PPP1R13B: variants seen among roughly 807,000 people sequenced by gnomAD.
PPP1R13B encodes the protein apoptosis-stimulating of p53 protein 1.
Under a neutral mutation model 119.8 loss-of-function variants are expected in PPP1R13B, and 44 were observed. The ratio of observed to expected loss-of-function variants is 0.37; its 90% CI spans 0.29 to 0.47. The LOEUF (loss-of-function observed/expected upper bound fraction) is 0.47. Among genes scored for constraint, PPP1R13B ranks in the 20% least tolerant of loss-of-function variants. The pLI, the probability that PPP1R13B is intolerant of heterozygous loss-of-function variation, is 0.99. For synonymous variants in PPP1R13B, 542 were observed against 561.5 expected (o/e 0.97, Z 0.49); for missense variants, 1,227 against 1,413.5 (o/e 0.87, Z 2.12).
intron 1 of PPP1R13B, among the ~76,000 whole-genome samples, chr14:103,798,035 C>T (rs989333613): frequency 6.6e-6 from 1 of 151,910 alleles, no homozygotes; most frequent in African/African-American, 2.4e-5. Flanking sequence ...CAGAATAAAA[C>T]CTGGGTATAT....
In PPP1R13B at chr14:103,734,360, C is replaced by T. The variant is rs2084034517; in HGVS notation, c.*794G>A. The T allele has an allele frequency of 2.6e-6, 1 of 381,254 alleles. No individual in the cohort carries two copies. The highest frequency in any genetic ancestry group is 5.3e-6 in the Non-Finnish European group (1 of 188,332). The allele number at this position is 381,254 out of a possible 1,614,324, so 23.6% of individuals were successfully genotyped here. ...CAACCACCCTCCGCTGCCACGGCCTCCAGCACCTGACTCCATTCAGGGAAC... is the reference window on the plus strand; with the variant it reads ...CAACCACCCTCCGCTGCCACGGCCTTCAGCACCTGACTCCATTCAGGGAAC... On this transcript the variant is annotated 3_prime_UTR_variant, in exon 17 of 17. Coordinates refer to ENST00000202556, the MANE Select transcript of PPP1R13B (RefSeq NM_015316.3).
intron 1 of PPP1R13B, among the ~76,000 whole-genome samples, chr14:103,807,131 T>TC (rs1240601721): frequency 6.6e-6 from 1 of 152,230 alleles, no homozygotes; most frequent in Non-Finnish European, 1.5e-5. Context: ...AACTCCTGCC[T>TC]CAGGGGCTTT....
chr14:103,753,072 C>G lies in PPP1R13B; in HGVS notation c.756G>C (p.Gly252=), dbSNP rs1233098807. 6.2e-7 allele frequency: 1 copy of G among 1,614,162 alleles called. No individual in the cohort carries two copies. Among genetic ancestry groups the G allele is most frequent in the Admixed American group, 1.7e-5 (1 of 60,022 alleles). Residue 252 remains glycine, a synonymous_variant, in exon 7 of 17, where the codon GGG becomes GGC. Transcript: ENST00000202556. ...TCAATTTGCCATTGTAAGACTGGAACCCATTCAGTTTTCCTTTCTTTAAAT... is the reference window on the plus strand; with the variant it reads ...TCAATTTGCCATTGTAAGACTGGAAGCCATTCAGTTTTCCTTTCTTTAAAT... ...LEDLKKGKLN[G]FQSYNGKLTG...
rs1286444164 is a variant in PPP1R13B at position 103,740,562 on chromosome 14, T to G, written c.1854A>C (p.Ser618=). 1.9e-6 allele frequency: 3 copies of G among 1,547,034 alleles called. No homozygotes were observed. Among genetic ancestry groups the G allele is most frequent in the Non-Finnish European group, 2.6e-6 (3 of 1,144,648 alleles). ...GAAACGGCAGCGGCGATGGAGAGGT[T>G]GAACCCGAAGGTAAAACGGGCTTAC... ...VYGKPVLPSG[S]TSPSPLPFLH... Residue 618 remains serine, a synonymous_variant, in exon 12 of 17, where the codon TCA becomes TCC. Coordinates refer to ENST00000202556, the MANE Select transcript of PPP1R13B (RefSeq NM_015316.3). The surrounding 1 kb of genome is among the most constrained non-coding windows in gnomAD (Gnocchi z 4.6).
rs2084706692 is a variant in PPP1R13B, at chr14:103,757,530, C to T, written c.456+120G>A. 5 of 828,744 alleles carry T rather than the reference C, an allele frequency of 6.0e-6. No individual in the cohort carries two copies. The East Asian group carries it at 1.3e-4, about 21-fold the overall frequency. The allele number at this position is 828,744 out of a possible 1,614,324, so 51.3% of individuals were successfully genotyped here. A position where few individuals can be genotyped will look rare whatever the true frequency, so the allele number is the denominator to read the frequency against. ...AAAGAGAGAAAGACTGCATTTAGCA[C>T]TCCTATGGCATGGTCCTATTTTATA... On this transcript the variant is annotated intron_variant, in intron 5 of 16. Transcript: ENST00000202556.
intron 1 of PPP1R13B, among the ~76,000 whole-genome samples, chr14:103,799,805 G>A (rs2085855888): frequency 6.6e-6 from 1 of 151,916 alleles, no homozygotes; most frequent in Admixed American, 6.6e-5. Flanking sequence ...CCCAGATTTG[G>A]GAGGCCAAGG....
intron 1 of PPP1R13B, among the ~76,000 whole-genome samples, chr14:103,809,029 A>AT (rs1014255972): frequency 1.6e-4 from 24 of 151,896 alleles, no homozygotes; most frequent in African/African-American, 5.3e-4. Flanking sequence ...ACCACAGCTA[A>AT]TTTTTTTTAT....
At chr14:103,744,006 G>A (rs1163192607) in intron 9 of PPP1R13B, 3 of 152,216 alleles carry the variant, frequency 2.0e-5, no homozygotes, top group East Asian at 1.9e-4. Flanking sequence ...GGGTCCTGGC[G>A]AGGCATTCCA....
chr14:103,792,186 G>GTGTGTGTGTGTGTGTGT (rs2152035015), intron 2 of PPP1R13B, among the ~76,000 whole-genome samples: 1 of 136,122 alleles, frequency 7.3e-6, no homozygotes, highest in African/African-American at 2.6e-5. Context: ...GTGTGTGTGT[G>GTGTGTGTGTGTGTGTGT]TGTGTGTGTG....
chr14:103,810,462 C>G (rs2086123921), intron 1 of PPP1R13B, among the ~76,000 whole-genome samples: 1 of 151,830 alleles, frequency 6.6e-6, no homozygotes, highest in Admixed American at 6.6e-5. Context: ...AATTCTGACA[C>G]CACTGTTCAT....
At chr14:103,747,843 T>G (rs1214318137) in intron 8 of PPP1R13B, among the ~76,000 whole-genome samples, 3 of 152,162 alleles carry the variant, frequency 2.0e-5, no homozygotes, top group Admixed American at 2.0e-4. Context: ...TTGGTAGATT[T>G]GAGTGAAGCA....
intron 4 of PPP1R13B, among the ~76,000 whole-genome samples, chr14:103,760,524 A>C (rs1352549172): frequency 6.6e-6 from 1 of 152,200 alleles, no homozygotes; most frequent in Non-Finnish European, 1.5e-5. Context: ...TTTTCTCAGC[A>C]ACAGTCAGGC....
intron 1 of PPP1R13B, among the ~76,000 whole-genome samples, chr14:103,816,917 A>G (rs951359861): frequency 2.6e-4 from 40 of 152,334 alleles, no homozygotes; most frequent in African/African-American, 9.4e-4. Context: ...CAATTTACAA[A>G]GGAAAAGTAA....
At chr14:103,814,262 T>C (rs1468720654) in intron 1 of PPP1R13B, among the ~76,000 whole-genome samples, 1 of 152,004 alleles carries the variant, frequency 6.6e-6, no homozygotes, top group Non-Finnish European at 1.5e-5. Context: ...GGCAGGAGAA[T>C]GCCATGAACC....
chr14:103,744,501 A>G (rs1271977444), intron 9 of PPP1R13B, among the ~76,000 whole-genome samples: 1 of 152,224 alleles, frequency 6.6e-6, no homozygotes, highest in Non-Finnish European at 1.5e-5. Context: ...CATCTTTTTC[A>G]AATCTAGATG....
intron 3 of PPP1R13B, among the ~76,000 whole-genome samples, chr14:103,780,289 C>A (rs1293177020): frequency 6.6e-6 from 1 of 151,426 alleles, no homozygotes; most frequent in Non-Finnish European, 1.5e-5. Context: ...AGTTCACGAC[C>A]AGCCTGGGCA....
Position 103,739,851 on chromosome 14 carries a change from AG to A in PPP1R13B, c.2564del (p.Pro855LeufsTer16). 6.2e-7 allele frequency: 1 copy of A among 1,609,838 alleles called. No homozygotes were observed. Among genetic ancestry groups the A allele is most frequent in the Non-Finnish European group, 8.5e-7 (1 of 1,177,094 alleles). On this transcript the variant is annotated frameshift_variant, in exon 12 of 17. Transcript: ENST00000202556. LOFTEE classifies it high-confidence loss of function. ...EEQVPPAPLP[P>X]ASHPPATSTN... is the part of the protein sequence containing the mutation. Reference sequence around the variant, plus strand: ...TGGAGGTGGCAGGAGGGTGGCTGGCAGGGGGAAGAGGTGCTGGAGGGACCTG... The same window carrying A: ...TGGAGGTGGCAGGAGGGTGGCTGGCAGGGGAAGAGGTGCTGGAGGGACCTG...
At chr14:103,789,239 G>A (rs1270207074) in intron 2 of PPP1R13B, among the ~76,000 whole-genome samples, 3 of 152,030 alleles carry the variant, frequency 2.0e-5, no homozygotes, top group South Asian at 2.1e-4. Context: ...TTTTGGGGGG[G>A]ATGGAGTCTC....
chr14:103,754,313 C>T, intron 5 of PPP1R13B, 69 bp from the exon 6 acceptor site: 2 of 1,480,688 alleles, frequency 1.4e-6, no homozygotes, highest in Non-Finnish European at 9.1e-7. Context: ...ATCTGTAATT[C>T]CAGCACTTTG....
Sources: gnomAD v4.1 joint callset for allele counts (sites outside exome capture counted in the v4.1 genomes callset) on GRCh38, gnomAD v4.1.1 for gene constraint, Gnocchi (gnomAD v3.1) non-coding constraint, MANE v1.5 for transcripts, NCBI Gene and HGNC (gene_info 2026-07-23, HGNC 2026-07-21) for gene names.